Variants in RBFOX1 observed in about 807,000 individuals in gnomAD.
RBFOX1 encodes RNA binding protein fox-1 homolog 1.
Under a neutral mutation model 57.7 loss-of-function variants are expected in RBFOX1, and 8 were observed. That is an observed-to-expected ratio of 0.14 (90% CI 0.08 to 0.25). The LOEUF is 0.25. Ranked by LOEUF, RBFOX1 falls within the 10% of genes least tolerant of loss-of-function variation. RBFOX1 has a pLI of 1.00. For synonymous variants in RBFOX1, 326 were observed against 222.4 expected, an observed-to-expected ratio of 1.47 and a Z score of -4.15; for missense variants, 611 against 548.5, an observed-to-expected ratio of 1.11 and a Z score of -1.14.
intron 3 of RBFOX1, among the ~76,000 whole-genome samples, chr16:5,741,062 A>C (rs143116299): frequency 1.3e-5 from 2 of 152,196 alleles, no homozygotes; most frequent in Admixed American, 6.5e-5. Context: ...GTAGATGGGG[A>C]AATTGAGACC....
chr16:7,178,453 A>G (rs1264528249), intron 4 of RBFOX1, among the ~76,000 whole-genome samples: 1 of 152,172 alleles, frequency 6.6e-6, no homozygotes, highest in Admixed American at 6.5e-5. Flanking sequence ...GGTAAACACT[A>G]AATTTTTTTT....
intron 4 of RBFOX1, among the ~76,000 whole-genome samples, chr16:6,012,787 A>G (rs1318306511): frequency 6.6e-6 from 1 of 152,110 alleles, no homozygotes; most frequent in Admixed American, 6.5e-5. Context: ...GGCTCATTGC[A>G]AGGTACCTGT....
chr16:6,617,011 G>A (rs1238915918), intron 2 of RBFOX1, among the ~76,000 whole-genome samples: 1 of 152,108 alleles, frequency 6.6e-6, no homozygotes, highest in African/African-American at 2.4e-5. Context: ...CATACTATCT[G>A]CTTCTTTGTA....
rs139193655 is a variant in RBFOX1, at chr16:5,961,872, G to C, written c.351+94537G>C. Among the ~76,000 whole-genome samples, 1,280 of 152,254 alleles carry C rather than the reference G, an allele frequency of 8.4e-3. 20 individuals are homozygous for C. Among genetic ancestry groups the C allele is most frequent in the African/African-American group, 0.029 (1,186 of 41,542 alleles). On this transcript the variant is annotated intron_variant, in intron 4 of 19. Transcript: ENST00000641259. ...CCTTTATCAGGTATAACTGGATTCA[G>C]TTGCTTCTAGGAGAAACTCCAAATA...
At chr16:7,121,043 T>C (rs934046111) in intron 4 of RBFOX1, among the ~76,000 whole-genome samples, 2 of 151,820 alleles carry the variant, frequency 1.3e-5, no homozygotes, top group South Asian at 2.1e-4. Context: ...CTGAACAGTA[T>C]TGGAAAACAA....
At chr16:5,952,088 CAT>C (rs760201026) in intron 4 of RBFOX1, among the ~76,000 whole-genome samples, 42 of 147,800 alleles carry the variant, frequency 2.8e-4, no homozygotes, top group Middle Eastern at 7.1e-3. Flanking sequence ...TGTATATATG[CAT>C]ATATATATAT....
chr16:5,422,271 G>A (rs1463382116), intron 1 of RBFOX1, among the ~76,000 whole-genome samples: 1 of 145,512 alleles, frequency 6.9e-6, no homozygotes, highest in African/African-American at 2.6e-5. Context: ...GGAGCAGGGA[G>A]AGGGAGATTA....
At chr16:7,689,869 C>G (rs1265897184) in intron 14 of RBFOX1, among the ~76,000 whole-genome samples, 5 of 152,070 alleles carry the variant, frequency 3.3e-5, no homozygotes, top group Non-Finnish European at 5.9e-5. Flanking sequence ...AAAGTCAACT[C>G]TTAGAAGGCA....
chr16:6,081,669 A>T (rs1555500419), intron 1 of RBFOX1, among the ~76,000 whole-genome samples: 1 of 152,100 alleles, frequency 6.6e-6, no homozygotes, highest in Non-Finnish European at 1.5e-5. Context: ...TTATTTATTT[A>T]TTTATTTTTG....
chr16:7,164,988 G>A (rs1295043884), intron 4 of RBFOX1, among the ~76,000 whole-genome samples: 2 of 152,132 alleles, frequency 1.3e-5, no homozygotes, highest in African/African-American at 2.4e-5. Flanking sequence ...CCCTGAATTT[G>A]GAGCCCTATA....
intron 4 of RBFOX1, among the ~76,000 whole-genome samples, chr16:7,139,828 A>G (rs1160427302): frequency 1.3e-5 from 2 of 152,138 alleles, no homozygotes; most frequent in Non-Finnish European, 2.9e-5. Flanking sequence ...GAAGACAAGC[A>G]TTCATGTCTT....
At chr16:5,806,757 C>T (rs747920440) in intron 3 of RBFOX1, among the ~76,000 whole-genome samples, 1 of 152,214 alleles carries the variant, frequency 6.6e-6, no homozygotes, top group African/African-American at 2.4e-5. Flanking sequence ...CCGGGATAAG[C>T]TTCCCTAATT....
chr16:5,595,498 G>A (rs984531867), intron 2 of RBFOX1, among the ~76,000 whole-genome samples: 5 of 152,176 alleles, frequency 3.3e-5, no homozygotes, highest in East Asian at 1.9e-4. Flanking sequence ...GGCAGACAGC[G>A]ACCAGAGTGA....
intron 3 of RBFOX1, among the ~76,000 whole-genome samples, chr16:6,926,828 GATACAAA>G (rs1285707859): frequency 3.3e-5 from 5 of 152,120 alleles, no homozygotes; most frequent in Non-Finnish European, 2.9e-5. Flanking sequence ...GTCCCGTGCA[GATACAAA>G]ATACATAAAC....
chr16:7,094,944 G>A (rs942284485), intron 4 of RBFOX1, among the ~76,000 whole-genome samples: 2 of 152,022 alleles, frequency 1.3e-5, no homozygotes, highest in African/African-American at 2.4e-5. Context: ...TATTGTATCT[G>A]TAAACATCTA....
intron 3 of RBFOX1, among the ~76,000 whole-genome samples, chr16:5,636,903 C>T (rs2048701043): frequency 6.6e-6 from 1 of 152,190 alleles, no homozygotes; most frequent in Admixed American, 6.5e-5. Flanking sequence ...GAGCTCTGAG[C>T]CTCTGACCAG....
intron 4 of RBFOX1, among the ~76,000 whole-genome samples, chr16:7,219,496 T>C (rs927821728): frequency 2.0e-5 from 3 of 152,220 alleles, no homozygotes; most frequent in Admixed American, 1.3e-4. Flanking sequence ...CCCTGAAAGC[T>C]ACTGTTAGGT....
At chr16:5,603,583 C>A (rs752706027), downstream of RBFOX1, among the ~76,000 whole-genome samples, 1 of 152,184 alleles carries the variant, frequency 6.6e-6, no homozygotes, top group Non-Finnish European at 1.5e-5. Context: ...TTGTGCAAGT[C>A]CTGTTGGAGA....
At chr16:5,684,219 C>G (rs2050434227) in intron 3 of RBFOX1, among the ~76,000 whole-genome samples, 1 of 152,100 alleles carries the variant, frequency 6.6e-6, no homozygotes, top group Admixed American at 6.6e-5. Flanking sequence ...CGAGGGCTGA[C>G]AGGATTGTAG....
Sources: gnomAD v4.1 joint callset for allele counts (sites outside exome capture counted in the v4.1 genomes callset) on GRCh38, gnomAD v4.1.1 for gene constraint, MANE v1.5 for transcripts, NCBI Gene and HGNC (gene_info 2026-07-23, HGNC 2026-07-21) for gene names.